Variants in FAR1 observed in about 807,000 individuals in gnomAD.
The protein encoded by FAR1 is male sterility domain-containing protein 2.
FAR1 carries 22 observed loss-of-function variants against 61.1 expected under a neutral mutation model. The ratio of observed to expected loss-of-function variants is 0.36; its 90% CI spans 0.26 to 0.51. The LOEUF (loss-of-function observed/expected upper bound fraction) is 0.51. FAR1 is among the 20% of genes least tolerant of loss of function. The probability of loss-of-function intolerance (pLI) is 0.95; values close to 1 mark genes in which losing one functional copy is unlikely to be tolerated. For missense variants in FAR1, 359 were observed against 626.9 expected (o/e 0.57, Z 4.56); for synonymous variants, 206 against 209.7 (o/e 0.98, Z 0.15).
intron 1 of FAR1, among the ~76,000 whole-genome samples, chr11:13,673,902 CTAT>C (rs1848036983): frequency 6.6e-6 from 1 of 152,138 alleles, no homozygotes; most frequent in Admixed American, 6.5e-5. Context: ...CCATCTTATC[CTAT>C]TATTTTTTTA....
At position 13,721,428 on chromosome 11, in the gene FAR1, T is replaced by G. The variant is rs1050519776; in HGVS notation, c.1128-302T>G. 2 of 189,134 alleles carry G rather than the reference T, an allele frequency of 1.1e-5. No homozygotes were observed. The highest frequency in any genetic ancestry group is 1.4e-4 in the East Asian group (1 of 7,278). The allele number at this position is 189,134 out of a possible 1,614,324, so 11.7% of individuals were successfully genotyped here. ...TTGCTTAGTATTTTATGTAGAAAAT[T>G]TAAGAGTATTGTATACCCTTTGAGA... is the stretch of plus-strand genomic sequence containing the variant. On this transcript the variant is annotated intron_variant, in intron 9 of 11. Coordinates refer to ENST00000354817, the MANE Select transcript of FAR1 (RefSeq NM_032228.6). The surrounding 1 kb of genome is among the most constrained non-coding windows in gnomAD (Gnocchi z 4.2).
intron 9 of FAR1, chr11:13,720,423 G>A (rs1591271442): frequency 6.6e-6 from 1 of 152,142 alleles, no homozygotes; most frequent in East Asian, 1.9e-4. Flanking sequence ...TTTTCCCCCA[G>A]ATGCTTTTTA....
chr11:13,726,106 G>A (rs941703139), intron 10 of FAR1, among the ~76,000 whole-genome samples: 1 of 151,962 alleles, frequency 6.6e-6, no homozygotes, highest in East Asian at 1.9e-4. Flanking sequence ...TGAAGGATCA[G>A]CATGTATCTG....
Position 13,728,698 on chromosome 11 carries a change from A to G in FAR1, c.1472A>G (p.Asn491Ser). 6.2e-7 allele frequency: 1 copy of G among 1,612,602 alleles called. No individual in the cohort carries two copies. The highest frequency in any genetic ancestry group is 8.5e-7 in the Non-Finnish European group (1 of 1,178,846). The change falls in exon 12 of 12, where the codon AAT becomes AGT. Residue 491 changes from asparagine (N) to serine (S), a missense_variant. Asn to Ser is a conservative substitution (Grantham distance 46, BLOSUM62 1). Coordinates refer to ENST00000354817, the MANE Select transcript of FAR1 (RefSeq NM_032228.6). Reference protein sequence around the residue: ...IFIARSQMARNIWYFVVSLCY... With the variant: ...IFIARSQMARSIWYFVVSLCY... ...ATTGCAAGATCACAAATGGCAAGAAATATCTGGTACTTTGTGGTTAGTCTG... is the reference window on the plus strand; with the variant it reads ...ATTGCAAGATCACAAATGGCAAGAAGTATCTGGTACTTTGTGGTTAGTCTG...
intron 7 of FAR1, 30 bp downstream of exon 7, chr11:13,712,076 A>G: frequency 7.1e-7 from 1 of 1,407,052 alleles, no homozygotes; most frequent in Non-Finnish European, 1.0e-6. Context: ...CGCTTATTAA[A>G]TATATAGTAA....
At chr11:13,708,445 GCGCACACACA>G (rs1331428587) in intron 4 of FAR1, among the ~76,000 whole-genome samples, 1 of 81,194 alleles carries the variant, frequency 1.2e-5, no homozygotes, top group Non-Finnish European at 2.7e-5. Context: ...GCGCGCGCGC[GCGCACACACA>G]CACACACACA....
At chr11:13,706,351 TAATA>T (rs1848431508) in intron 3 of FAR1, among the ~76,000 whole-genome samples, 1 of 152,158 alleles carries the variant, frequency 6.6e-6, no homozygotes, top group South Asian at 2.1e-4. Context: ...TTAACTAGAT[TAATA>T]AATATACCAT....
intron 1 of FAR1, among the ~76,000 whole-genome samples, chr11:13,674,434 G>A (rs1364592487): frequency 1.3e-5 from 2 of 152,018 alleles, no homozygotes; most frequent in Non-Finnish European, 2.9e-5. Flanking sequence ...TCCCCTCTAT[G>A]GGCTTTAGTT....
chr11:13,724,322 G>C (rs941369909), intron 10 of FAR1, among the ~76,000 whole-genome samples: 1 of 151,790 alleles, frequency 6.6e-6, no homozygotes, highest in East Asian at 1.9e-4. Context: ...CCAGTGCTGG[G>C]ATAACTTGAG....
At chr11:13,712,300 A>G (rs1848508221) in intron 7 of FAR1, among the ~76,000 whole-genome samples, 1 of 151,858 alleles carries the variant, frequency 6.6e-6, no homozygotes, top group African/African-American at 2.4e-5. Flanking sequence ...TGAAAAAAAA[A>G]AAAATACCCT....
rs144633119 is a variant in FAR1, at chr11:13,689,603, G to A, written c.-7-5156G>A. On this transcript the variant is annotated intron_variant, in intron 1 of 11. Transcript: ENST00000354817. ...AAATGGTGCTGTTATAACCATACTT[G>A]CTTGTTCTTTTGATGAACATATGTA... Among the ~76,000 whole-genome samples the A allele has an allele frequency of 1.1e-4, 17 of 152,160 alleles. 1 individual carries two copies. The Middle Eastern group carries it at 0.01, about 91-fold the overall frequency.
At chr11:13,706,123 T>TA (rs1316625371) in intron 3 of FAR1, among the ~76,000 whole-genome samples, 6 of 152,146 alleles carry the variant, frequency 3.9e-5, no homozygotes, top group Non-Finnish European at 7.4e-5. Flanking sequence ...ATTATAAACA[T>TA]AGACTTTCTA....
chr11:13,673,803 T>A (rs1451386667), intron 1 of FAR1, among the ~76,000 whole-genome samples: 2 of 152,230 alleles, frequency 1.3e-5, no homozygotes, highest in Non-Finnish European at 2.9e-5. Context: ...TAAATGTATC[T>A]CAAAATTGAT....
At chr11:13,724,499 G>A (rs554935993) in intron 10 of FAR1, among the ~76,000 whole-genome samples, 77 of 146,324 alleles carry the variant, frequency 5.3e-4, no homozygotes, top group Non-Finnish European at 9.8e-4. Context: ...GCAGGGAGCC[G>A]AGATTGTGTC....
intron 1 of FAR1, 127 bp from the exon 2 acceptor site, chr11:13,694,632 C>A: frequency 1.3e-6 from 1 of 749,782 alleles, no homozygotes; most frequent in East Asian, 2.7e-5. Flanking sequence ...AGAGTCCTCT[C>A]TTGTTAATGT....
intron 1 of FAR1, among the ~76,000 whole-genome samples, chr11:13,691,131 G>C (rs1254968059): frequency 6.6e-6 from 1 of 152,190 alleles, no homozygotes; most frequent in Admixed American, 6.5e-5. Flanking sequence ...TGTTTTGGTT[G>C]TCTGATGAGA....
At chr11:13,683,608 T>C (rs976646696) in intron 1 of FAR1, among the ~76,000 whole-genome samples, 1 of 152,130 alleles carries the variant, frequency 6.6e-6, no homozygotes, top group Non-Finnish European at 1.5e-5. Context: ...CTCGAACTCC[T>C]GGCCTCAAGT....
intron 3 of FAR1, among the ~76,000 whole-genome samples, chr11:13,704,432 A>T (rs973961411): frequency 2.0e-5 from 3 of 152,230 alleles, no homozygotes; most frequent in African/African-American, 7.2e-5. Flanking sequence ...TTTGTTGGGC[A>T]TTGATTATCA....
chr11:13,716,664 G>A (rs1170269568), intron 9 of FAR1, among the ~76,000 whole-genome samples: 1 of 152,168 alleles, frequency 6.6e-6, no homozygotes, highest in African/African-American at 2.4e-5. Context: ...AGGCTGCGTT[G>A]CCTTTTCTGA....
Sources: allele counts gnomAD v4.1 joint callset (sites outside exome capture counted in the v4.1 genomes callset), GRCh38; gene constraint gnomAD v4.1.1; non-coding constraint Gnocchi (gnomAD v3.1); transcripts MANE v1.5; gene names NCBI Gene and HGNC (gene_info 2026-07-23, HGNC 2026-07-21).